The following LRRC31 variants were observed in gnomAD, a reference collection of about 807,000 sequenced individuals.
The protein encoded by LRRC31 is leucine rich repeat containing 31.
Under a neutral mutation model 46.7 loss-of-function variants are expected in LRRC31, and 35 were observed. The observed-to-expected ratio is 0.75, with a 90% confidence interval of 0.57 to 0.99. The LOEUF is 0.99. Among genes scored for constraint, LRRC31 ranks in the 50% least tolerant of loss-of-function variants. The probability of loss-of-function intolerance (pLI) is 0.00; values close to 1 mark genes in which losing one functional copy is unlikely to be tolerated. For synonymous variants in LRRC31, 236 were observed against 235.1 expected (o/e 1.00, Z -0.03); for missense variants, 613 against 626.1 (o/e 0.98, Z 0.22).
In LRRC31 at chr3:169,840,051, C is replaced by T. The variant is rs1422786997; in HGVS notation, c.1590G>A (p.Glu530=). 5 of 1,613,968 alleles carry T rather than the reference C, an allele frequency of 3.1e-6. No individual in the cohort carries two copies. The South Asian group carries it at 4.4e-5, about 14-fold the overall frequency. ...CTTGGTCAAAGCATTCTAGTTCTTCCTCCTGTGAAGCTGGGAGAATCCATC... is the reference window on the plus strand; with the variant it reads ...CTTGGTCAAAGCATTCTAGTTCTTCTTCCTGTGAAGCTGGGAGAATCCATC... ...MKRWILPASQ[E]EELECFDQDK... Residue 530 remains glutamate (E), a synonymous_variant, in exon 9 of 9, where the codon GAG becomes GAA. Coordinates refer to ENST00000316428, the MANE Select transcript of LRRC31 (RefSeq NM_024727.4).
intron 6 of LRRC31, among the ~76,000 whole-genome samples, chr3:169,854,467 G>A (rs918985462): frequency 6.6e-6 from 1 of 152,096 alleles, no homozygotes. Flanking sequence ...AGAAAGCCTC[G>A]ATACCCTTTG....
At chr3:169,853,604 G>C in intron 6 of LRRC31, 2 of 985,848 alleles carry the variant, frequency 2.0e-6, no homozygotes, top group Non-Finnish European at 2.4e-6. Flanking sequence ...CTCAGGCTAT[G>C]ATAAGTAAAG....
At chr3:169,850,236 C>T (rs544446792) in intron 7 of LRRC31, among the ~76,000 whole-genome samples, 29 of 152,174 alleles carry the variant, frequency 1.9e-4, no homozygotes, top group African/African-American at 6.3e-4. Context: ...ATTTGAAGAA[C>T]TCTATATTTA....
chr3:169,868,407 C>A (rs1327630776), intron 1 of LRRC31, among the ~76,000 whole-genome samples: 1 of 152,170 alleles, frequency 6.6e-6, no homozygotes, highest in Non-Finnish European at 1.5e-5. Flanking sequence ...TCCTCCACCC[C>A]CATCTAAATA....
At chr3:169,858,985 G>A (rs1781057103) in intron 3 of LRRC31, among the ~76,000 whole-genome samples, 1 of 96,352 alleles carries the variant, frequency 1.0e-5, no homozygotes, top group African/African-American at 4.2e-5. Flanking sequence ...CAGCCTGGGT[G>A]ACAAGAATGA....
At chr3:169,869,451 G>T (rs1347259001) in intron 1 of LRRC31, among the ~76,000 whole-genome samples, 182 bp downstream of exon 1, 1 of 151,918 alleles carries the variant, frequency 6.6e-6, no homozygotes, top group Non-Finnish European at 1.5e-5. Context: ...TGAGGGGATG[G>T]ATACCCCATT....
intron 8 of LRRC31, among the ~76,000 whole-genome samples, chr3:169,843,324 A>C (rs1300056720): frequency 6.6e-6 from 1 of 152,198 alleles, no homozygotes; most frequent in African/African-American, 2.4e-5. Context: ...CTCAGTCCTA[A>C]AGCTGCAAGG....
chr3:169,869,417 T>G (rs1373167962), intron 1 of LRRC31, among the ~76,000 whole-genome samples: 1 of 151,904 alleles, frequency 6.6e-6, no homozygotes, highest in Admixed American at 6.6e-5. Context: ...AATGGGATTG[T>G]TTGTAACACA....
intron 3 of LRRC31, among the ~76,000 whole-genome samples, chr3:169,859,019 G>A (rs537027923): frequency 0.24 from 24,351 of 100,578 alleles, 3,082 homozygotes; most frequent in East Asian, 0.57. Context: ...AAAAAAAAAG[G>A]GGGGGGGTGG....
Position 169,856,875 on chromosome 3 carries a change from G to A in LRRC31, c.488-3C>T. On this transcript the variant is annotated splice_polypyrimidine_tract_variant and splice_region_variant and intron_variant, in intron 3 of 8. Coordinates refer to ENST00000316428, the MANE Select transcript of LRRC31 (RefSeq NM_024727.4). ...AGGAATCATCTCAAATGCTTCTCCTGTTAACAAATGGCCCGAAAATTCTGT... is the reference window on the plus strand; with the variant it reads ...AGGAATCATCTCAAATGCTTCTCCTATTAACAAATGGCCCGAAAATTCTGT... The A allele has an allele frequency of 1.3e-6, 2 of 1,596,792 alleles. No homozygotes were observed. The highest frequency in any genetic ancestry group is 1.7e-6 in the Non-Finnish European group (2 of 1,171,862).
intron 1 of LRRC31, among the ~76,000 whole-genome samples, chr3:169,866,502 A>C (rs1428317662): frequency 6.6e-6 from 1 of 152,206 alleles, no homozygotes; most frequent in African/African-American, 2.4e-5. Flanking sequence ...ACAAAAATGA[A>C]CAATTTTCTG....
At chr3:169,868,633 AG>A (rs1392760439) in intron 1 of LRRC31, among the ~76,000 whole-genome samples, 1 of 152,250 alleles carries the variant, frequency 6.6e-6, no homozygotes, top group African/African-American at 2.4e-5. Context: ...AAGACTGAAA[AG>A]AATCTTAAAG....
chr3:169,855,749 G>A (rs1392163050), intron 5 of LRRC31, among the ~76,000 whole-genome samples: 1 of 152,056 alleles, frequency 6.6e-6, no homozygotes, highest in African/African-American at 2.4e-5. Context: ...AGAAAACCTA[G>A]TAGTTCTAGC....
intron 7 of LRRC31, among the ~76,000 whole-genome samples, chr3:169,850,365 C>G (rs1052338903): frequency 6.6e-6 from 1 of 152,142 alleles, no homozygotes; most frequent in Non-Finnish European, 1.5e-5. Context: ...GCTCCCAGCA[C>G]TCCCTCAGCA....
chr3:169,869,720 C>T lies in LRRC31; in HGVS notation c.88G>A (p.Ala30Thr). The change falls in exon 1 of 9, where the codon GCT becomes ACT. Residue 30 changes from alanine (A) to threonine (T), a missense_variant. Transcript: ENST00000316428. ...TVNKFLRGSN[A>T]ESRKEDNDLK... ...TCATTGTCCTCTTTTCTGCTTTCAG[C>T]ATTGGAGCCCCTGAGAAATTTGTTG... The T allele has an allele frequency of 6.2e-7, 1 of 1,613,422 alleles. No homozygotes were observed. The highest frequency in any genetic ancestry group is 8.5e-7 in the Non-Finnish European group (1 of 1,179,782).
In LRRC31 at chr3:169,851,764, T is replaced by C. The variant is rs1329937925; in HGVS notation, c.1014A>G (p.Ser338=). Reference sequence around the variant, plus strand: ...CTGATAAATCCAATTCTTGAAGATTTGAAAGTAAAGGAATGACCTGGGCTG... The same window carrying C: ...CTGATAAATCCAATTCTTGAAGATTCGAAAGTAAAGGAATGACCTGGGCTG... ...MSLTQVIPLL[S]NLQELDLSAN... is the part of the protein sequence containing the mutation. Residue 338 remains serine, a synonymous_variant, in exon 7 of 9, where the codon TCA becomes TCG. Transcript: ENST00000316428. 6.2e-7 allele frequency: 1 copy of C among 1,614,192 alleles called. No homozygotes were observed. The highest frequency in any genetic ancestry group is 1.7e-5 in the Admixed American group (1 of 60,026).
intron 2 of LRRC31, 152 bp downstream of exon 2, chr3:169,861,518 C>CAAAAAAAAA (rs371250528): frequency 3.7e-6 from 2 of 547,130 alleles, no homozygotes; most frequent in Non-Finnish European, 5.6e-6. Flanking sequence ...GACTCCGTCT[C>CAAAAAAAAA]AAAAAAAAAA....
intron 6 of LRRC31, among the ~76,000 whole-genome samples, chr3:169,854,118 A>T (rs928481544): frequency 2.0e-5 from 3 of 152,184 alleles, no homozygotes; most frequent in Admixed American, 6.5e-5. Context: ...GAGGACAGGG[A>T]GACCATTTGG....
In LRRC31 at chr3:169,848,297, A is replaced by C; in HGVS notation, c.1160-10T>G. On this transcript the variant is annotated splice_polypyrimidine_tract_variant and intron_variant, in intron 7 of 8. Transcript: ENST00000316428. The stretch of plus-strand genomic sequence containing the variant: ...TGAACAGAGGCTTCAGCTAAAAGTG[A>C]TAACAATACGAACAGCAGTAATTTA... The C allele has an allele frequency of 6.2e-7, 1 of 1,612,800 alleles. No homozygotes were observed. The highest frequency in any genetic ancestry group is 8.5e-7 in the Non-Finnish European group (1 of 1,178,988).
Sources: allele counts gnomAD v4.1 joint callset (sites outside exome capture counted in the v4.1 genomes callset), GRCh38; gene constraint gnomAD v4.1.1; transcripts MANE v1.5; gene names NCBI Gene and HGNC (gene_info 2026-07-23, HGNC 2026-07-21).